Variants in VAV3 observed in about 807,000 individuals in gnomAD.
VAV3 encodes the protein guanine nucleotide exchange factor VAV3.
Under a neutral mutation model 131.2 loss-of-function variants are expected in VAV3, and 94 were observed. The ratio of observed to expected loss-of-function variants is 0.72; its 90% confidence interval spans 0.61 to 0.85. The LOEUF is 0.85. VAV3 is among the 40% of genes least tolerant of loss of function. VAV3 has a pLI of 0.00. For synonymous variants in VAV3, 349 were observed against 342.0 expected, an observed-to-expected ratio of 1.02 and a Z score of -0.22; for missense variants, 939 against 1,002.7, an observed-to-expected ratio of 0.94 and a Z score of 0.86.
chr1:107,943,598 T>C (rs374696123), intron 1 of VAV3, among the ~76,000 whole-genome samples: 10 of 152,142 alleles, frequency 6.6e-5, no homozygotes, highest in East Asian at 5.8e-4. Context: ...AAAAATTAGC[T>C]GGGCATGGTG....
chr1:107,849,876 AAAAC>A (rs59027575), intron 2 of VAV3, among the ~76,000 whole-genome samples: 3,602 of 152,202 alleles, frequency 0.024, 125 homozygotes, highest in African/African-American at 0.082. Flanking sequence ...TTTACAAGAA[AAAAC>A]AAACAAACAA....
intron 19 of VAV3, among the ~76,000 whole-genome samples, chr1:107,657,684 A>G (rs1656678677): frequency 6.6e-6 from 1 of 152,198 alleles, no homozygotes; most frequent in Non-Finnish European, 1.5e-5. Flanking sequence ...AGAGCAAAAC[A>G]CAGGATTCCA....
intron 5 of VAV3, among the ~76,000 whole-genome samples, chr1:107,771,493 T>A (rs1319251966): frequency 6.6e-6 from 1 of 152,206 alleles, no homozygotes; most frequent in African/African-American, 2.4e-5. Context: ...GACCTCATGA[T>A]CTGCCTGCCT....
At chr1:107,760,993 A>G (rs1664380060) in intron 9 of VAV3, 114 bp from the exon 10 acceptor site, 2 of 586,578 alleles carry the variant, frequency 3.4e-6, no homozygotes, top group Non-Finnish European at 5.9e-6. Context: ...TTCCTTAACA[A>G]TCCTTCTCTG....
chr1:107,879,711 C>A (rs75569843), intron 1 of VAV3, among the ~76,000 whole-genome samples: 4 of 150,590 alleles, frequency 2.7e-5, no homozygotes, highest in Non-Finnish European at 3.0e-5. Context: ...CTATTTTTGA[C>A]AAAAAAAAAA....
intron 1 of VAV3, among the ~76,000 whole-genome samples, chr1:107,937,758 T>TG (rs1417203523): frequency 2.0e-5 from 3 of 152,234 alleles, no homozygotes; most frequent in Non-Finnish European, 4.4e-5. Flanking sequence ...TCTAAGACTC[T>TG]GGTTAAGGCT....
At chr1:107,670,380 C>T (rs918725634) in intron 19 of VAV3, among the ~76,000 whole-genome samples, 1 of 152,188 alleles carries the variant, frequency 6.6e-6, no homozygotes, top group Non-Finnish European at 1.5e-5. Flanking sequence ...ACTTCTATAC[C>T]CTATGCCTGG....
intron 1 of VAV3, among the ~76,000 whole-genome samples, chr1:107,876,359 G>A (rs189020803): frequency 2.0e-5 from 3 of 152,192 alleles, no homozygotes; most frequent in Admixed American, 2.0e-4. Flanking sequence ...AGGAAGTGAA[G>A]ACAGAATATA....
At chr1:107,866,506 A>ATTT (rs1240341165) in intron 2 of VAV3, among the ~76,000 whole-genome samples, 1 of 152,166 alleles carries the variant, frequency 6.6e-6, no homozygotes, top group Admixed American at 6.6e-5. Flanking sequence ...TAAAGGCAAA[A>ATTT]GCAAGGAGGG....
intron 24 of VAV3, among the ~76,000 whole-genome samples, chr1:107,599,360 TACA>T (rs1375597168): frequency 6.6e-6 from 1 of 152,148 alleles, no homozygotes; most frequent in Non-Finnish European, 1.5e-5. Flanking sequence ...GACCTTCAGG[TACA>T]ACAAGTAAAT....
Position 107,772,816 on chromosome 1 carries a change from ATCT to A in VAV3, c.471_473del (p.Glu157del), listed in dbSNP as rs1362300566. ...CTTCCCCATAAACACAGTCATAGAG[ATCT>A]TCTTCATCTTCCACAAGGGTTTCAC... On this transcript the variant is annotated inframe_deletion, in exon 5 of 27. Coordinates refer to ENST00000370056, the MANE Select transcript of VAV3 (RefSeq NM_006113.5). The A allele has an allele frequency of 3.7e-6, 6 of 1,613,418 alleles. No homozygotes were observed. Among genetic ancestry groups the A allele is most frequent in the East Asian group, 2.2e-5 (1 of 44,846 alleles).
chr1:107,792,349 T>A (rs1368255208), intron 2 of VAV3, among the ~76,000 whole-genome samples: 2 of 152,190 alleles, frequency 1.3e-5, no homozygotes, highest in Non-Finnish European at 2.9e-5. Flanking sequence ...CCTAAAATAA[T>A]TCCTTTAAAA....
At chr1:107,829,865 T>C (rs1340962484) in intron 2 of VAV3, among the ~76,000 whole-genome samples, 2 of 152,162 alleles carry the variant, frequency 1.3e-5, no homozygotes, top group Non-Finnish European at 2.9e-5. Context: ...ACAAGGAGCC[T>C]TTCATACATC....
At chr1:107,939,244 C>T (rs916169646) in intron 1 of VAV3, among the ~76,000 whole-genome samples, 20 of 152,172 alleles carry the variant, frequency 1.3e-4, no homozygotes, top group Admixed American at 5.2e-4. Context: ...ACTAAATCTC[C>T]TTGCAAGTCC....
At chr1:107,597,982 C>A (rs1039591531) in intron 24 of VAV3, among the ~76,000 whole-genome samples, 1 of 152,172 alleles carries the variant, frequency 6.6e-6, no homozygotes, top group Non-Finnish European at 1.5e-5. Context: ...GGCAAAGTCA[C>A]ATAGCTAGCG....
intron 2 of VAV3, among the ~76,000 whole-genome samples, chr1:107,854,054 A>C (rs1345036753): frequency 6.6e-6 from 1 of 152,188 alleles, no homozygotes; most frequent in Non-Finnish European, 1.5e-5. Flanking sequence ...CACGCCTGTA[A>C]TCCCACCACT....
chr1:107,661,283 T>C (rs1656993274), intron 19 of VAV3, among the ~76,000 whole-genome samples: 1 of 152,006 alleles, frequency 6.6e-6, no homozygotes, highest in African/African-American at 2.4e-5. Context: ...ACACAAGAGG[T>C]GCCACTCTTG....
At chr1:107,687,963 G>C (rs1659149016) in intron 18 of VAV3, among the ~76,000 whole-genome samples, 1 of 152,104 alleles carries the variant, frequency 6.6e-6, no homozygotes, top group South Asian at 2.1e-4. Context: ...AAAAGTACTA[G>C]AAACATGGAA....
chr1:107,857,718 G>C (rs182404835), intron 2 of VAV3, among the ~76,000 whole-genome samples: 2 of 152,120 alleles, frequency 1.3e-5, no homozygotes, highest in Admixed American at 6.5e-5. Flanking sequence ...AGAATGAAAG[G>C]GGGGGAAGTT....
Sources: gnomAD v4.1 joint callset for allele counts (sites outside exome capture counted in the v4.1 genomes callset) on GRCh38, gnomAD v4.1.1 for gene constraint, MANE v1.5 for transcripts, NCBI Gene and HGNC (gene_info 2026-07-23, HGNC 2026-07-21) for gene names.